TMC1: variants seen among roughly 807,000 people sequenced by gnomAD.
The protein encoded by TMC1 is transmembrane channel like 1, also known as transmembrane channel-like protein 1.
A neutral mutation model predicts 105.8 loss-of-function variants in TMC1; 84 were observed. That is an observed-to-expected ratio of 0.79 (90% CI 0.67 to 0.95). The LOEUF (loss-of-function observed/expected upper bound fraction) is 0.95, where lower values mean the gene tolerates loss of function less well. Among genes scored for constraint, TMC1 ranks in the 40% least tolerant of loss-of-function variants. The pLI is 0.00. For synonymous variants in TMC1, 315 were observed against 311.5 expected (o/e 1.01, Z -0.12); for missense variants, 817 against 914.1 (o/e 0.89, Z 1.37).
intron 23 of TMC1, 56 bp downstream of exon 23, chr9:72,830,738 C>CTTTT: frequency 4.4e-5 from 51 of 1,146,800 alleles, no homozygotes; most frequent in Non-Finnish European, 6.0e-5. Flanking sequence ...CTTTTTCTTT[C>CTTTT]TTTTTTTTTT....
chr9:72,648,728 GAA>G, intron 5 of TMC1, 64 bp downstream of exon 5: 1 of 1,438,570 alleles, frequency 7.0e-7, no homozygotes, highest in South Asian at 1.2e-5. Context: ...AAAGGTATTT[GAA>G]AACTTTGGAA....
intron 1 of TMC1, among the ~76,000 whole-genome samples, chr9:72,530,541 G>A (rs1823482031): frequency 2.0e-5 from 3 of 151,042 alleles, no homozygotes; most frequent in South Asian, 4.2e-4. Context: ...AGTGGACCGA[G>A]ATTGTGCCAC....
At chr9:72,640,640 T>G (rs1390481282) in intron 4 of TMC1, among the ~76,000 whole-genome samples, 2 of 79,082 alleles carry the variant, frequency 2.5e-5, no homozygotes, top group African/African-American at 1.1e-4. Flanking sequence ...TTGTTTTTTG[T>G]TTTTTTTTTT....
chr9:72,608,559 T>C (rs957038777), intron 2 of TMC1, among the ~76,000 whole-genome samples: 1 of 151,940 alleles, frequency 6.6e-6, no homozygotes, highest in Admixed American at 6.6e-5. Context: ...ATACAAAAAA[T>C]AGCCAGGCTT....
At chr9:72,680,141 G>A (rs999133054) in intron 5 of TMC1, among the ~76,000 whole-genome samples, 8 of 152,030 alleles carry the variant, frequency 5.3e-5, no homozygotes, top group African/African-American at 1.9e-4. Flanking sequence ...AAGTGCTCCT[G>A]ATTCCAGTAT....
At chr9:72,608,240 G>A (rs745916791) in intron 2 of TMC1, among the ~76,000 whole-genome samples, 10 of 152,082 alleles carry the variant, frequency 6.6e-5, no homozygotes, top group Admixed American at 2.6e-4. Flanking sequence ...GCATCTCATC[G>A]GCCTGAGTTC....
At chr9:72,804,701 C>G (rs1828539786) in intron 17 of TMC1, among the ~76,000 whole-genome samples, 1 of 152,198 alleles carries the variant, frequency 6.6e-6, no homozygotes, top group African/African-American at 2.4e-5. Flanking sequence ...TGGATCTTAA[C>G]AAATTTCTTC....
chr9:72,769,442 A>G (rs1364036080), intron 12 of TMC1, among the ~76,000 whole-genome samples: 1 of 152,208 alleles, frequency 6.6e-6, no homozygotes, highest in Admixed American at 6.5e-5. Flanking sequence ...CTCTGCCAGG[A>G]CAGGCCTCTC....
Position 72,830,641 on chromosome 9 carries a change from A to G in TMC1, c.2219A>G (p.Glu740Gly). The change falls in exon 23 of 24, where the codon GAG (glutamate) becomes GGG (glycine). Residue 740 changes from glutamate (E) to glycine (G), a missense_variant. Physicochemically the swap from Glu to Gly is moderately conservative, Grantham distance 98. Transcript: ENST00000297784. Reference protein sequence around the residue: ...LKKKMKMQALENKMRNKKMAA... With the variant: ...LKKKMKMQALGNKMRNKKMAA... ...TTTTTTATTGTGTAGCAAGCTTTGG[A>G]GAACAAAATGCGAAACAAGAAAATG... 1 of 1,613,668 alleles carries G rather than the reference A, an allele frequency of 6.2e-7. No homozygotes were observed. Among genetic ancestry groups the G allele is most frequent in the Non-Finnish European group, 8.5e-7 (1 of 1,179,824 alleles).
intron 13 of TMC1, among the ~76,000 whole-genome samples, chr9:72,778,594 G>GCA (rs1272746615): frequency 6.6e-6 from 1 of 152,162 alleles, no homozygotes; most frequent in Non-Finnish European, 1.5e-5. Flanking sequence ...GCAAAGGAAG[G>GCA]ACTGCAGTAG....
intron 3 of TMC1, among the ~76,000 whole-genome samples, chr9:72,622,294 A>G (rs1216947258): frequency 6.6e-6 from 1 of 151,782 alleles, no homozygotes; most frequent in Non-Finnish European, 1.5e-5. Context: ...GCTTCCAACC[A>G]CTCTCATCCA....
At chr9:72,544,787 CTT>C in intron 1 of TMC1, among the ~76,000 whole-genome samples, 1 of 143,048 alleles carries the variant, frequency 7.0e-6, no homozygotes, top group East Asian at 2.0e-4. Flanking sequence ...GCCTTTTTAC[CTT>C]TTTTTTTTTT....
intron 2 of TMC1, among the ~76,000 whole-genome samples, chr9:72,582,257 G>A (rs1824487977): frequency 6.6e-6 from 1 of 152,142 alleles, no homozygotes; most frequent in Non-Finnish European, 1.5e-5. Flanking sequence ...GTGCTCAGCC[G>A]ATAGCATCTT....
chr9:72,800,415 T>C (rs17641064), intron 17 of TMC1, among the ~76,000 whole-genome samples: 10,211 of 152,226 alleles, frequency 0.067, 398 homozygotes, highest in African/African-American at 0.1. Context: ...AGCAAAAACA[T>C]CTACTGAATG....
Position 72,751,733 on chromosome 9 carries a change from A to G in TMC1, c.536-117A>G, listed in dbSNP as rs1827582733. On this transcript the variant is annotated intron_variant, in intron 10 of 23. Coordinates refer to ENST00000297784, the MANE Select transcript of TMC1 (RefSeq NM_138691.3). ...AAGAATGCTATAGCCTATAAATATA[A>G]AAAGGACCAATGCCTCACAATTAAT... 5 of 733,052 alleles carry G rather than the reference A, an allele frequency of 6.8e-6. No individual in the cohort carries two copies. The Admixed American group carries it at 8.1e-5, about 12-fold the overall frequency. 45.4% of individuals were successfully genotyped at this position (733,052 alleles called of 1,614,324 possible).
intron 8 of TMC1, among the ~76,000 whole-genome samples, chr9:72,727,382 T>C (rs1474178399): frequency 6.6e-6 from 1 of 151,998 alleles, no homozygotes; most frequent in Non-Finnish European, 1.5e-5. Context: ...ACTTAACACA[T>C]TAAGAACATA....
At chr9:72,707,890 C>A (rs1339255845) in intron 8 of TMC1, among the ~76,000 whole-genome samples, 1 of 152,116 alleles carries the variant, frequency 6.6e-6, no homozygotes, top group African/African-American at 2.4e-5. Flanking sequence ...TTTATAGTTT[C>A]AAGTCTTAGA....
At chr9:72,575,187 G>T (rs1301185262) in intron 1 of TMC1, among the ~76,000 whole-genome samples, 4 of 152,004 alleles carry the variant, frequency 2.6e-5, no homozygotes, top group Non-Finnish European at 4.4e-5. Context: ...AGGTTTTTTT[G>T]TTTGTTTGTT....
intron 8 of TMC1, among the ~76,000 whole-genome samples, chr9:72,719,792 G>C (rs1201566808): frequency 6.6e-6 from 1 of 152,142 alleles, no homozygotes; most frequent in South Asian, 2.1e-4. Context: ...TTCAGTTCTT[G>C]TACTTTACAG....
Sources: gnomAD v4.1 joint callset for allele counts (sites outside exome capture counted in the v4.1 genomes callset) on GRCh38, gnomAD v4.1.1 for gene constraint, MANE v1.5 for transcripts, NCBI Gene and HGNC (gene_info 2026-07-23, HGNC 2026-07-21) for gene names.